The following WHRN variants were observed in gnomAD, a reference collection of about 807,000 sequenced individuals.
WHRN encodes the protein CASK-interacting protein CIP98.
Under a neutral mutation model 68.3 loss-of-function variants are expected in WHRN, and 41 were observed. That is an observed-to-expected ratio of 0.60 (90% CI 0.47 to 0.78). WHRN has a LOEUF of 0.78. Ranked by LOEUF, WHRN falls within the 30% of genes least tolerant of loss-of-function variation. The probability of loss-of-function intolerance (pLI) is 0.00; values close to 1 mark genes in which losing one functional copy is unlikely to be tolerated. For synonymous variants in WHRN, 560 were observed against 561.3 expected, an observed-to-expected ratio of 1.00 and a Z score of 0.03; for missense variants, 1,243 against 1,244.7, an observed-to-expected ratio of 1.00 and a Z score of 0.02.
At position 114,466,979 on chromosome 9, in the gene WHRN, T is replaced by G. The variant is rs76137566; in HGVS notation, c.838-587A>C. ...GTCTCCTGTCTCCCCAAGGGTCTCCTGCCTCCCCAGAGTTCTCCTGTCACC... is the reference window on the plus strand; with the variant it reads ...GTCTCCTGTCTCCCCAAGGGTCTCCGGCCTCCCCAGAGTTCTCCTGTCACC... On this transcript the variant is annotated intron_variant, in intron 2 of 11. Transcript: ENST00000362057. Among the ~76,000 whole-genome samples the G allele has an allele frequency of 1.9e-3, 281 of 150,922 alleles. 3 individuals are homozygous for G. In the East Asian group the frequency reaches 0.052, roughly 28 times the overall value.
At chr9:114,423,210 T>TA in intron 7 of WHRN, 104 bp downstream of exon 7, 1 of 1,193,856 alleles carries the variant, frequency 8.4e-7, no homozygotes, top group Non-Finnish European at 1.2e-6. Context: ...ACACAGCTGG[T>TA]AAGTGGTGGT....
At position 114,466,328 on chromosome 9, in the gene WHRN, C is replaced by T; in HGVS notation, c.902G>A (p.Gly301Asp). ...GLTIRGGAEYGLGIYITGVDP... is the reference protein window; with the variant it reads ...GLTIRGGAEYDLGIYITGVDP... ...CACGCCAGTGATGTAAATGCCAAGG[C>T]CGTACTCAGCTCCCCCACGGATCGT... The change falls in exon 3 of 12, where the codon GGC becomes GAC. Residue 301 changes from glycine to aspartate, a missense_variant. Coordinates refer to ENST00000362057, the MANE Select transcript of WHRN (RefSeq NM_015404.4). 6.2e-7 allele frequency: 1 copy of T among 1,614,132 alleles called. No homozygotes were observed. The highest frequency in any genetic ancestry group is 1.3e-5 in the African/African-American group (1 of 75,056).
chr9:114,503,167 G>C (rs1844080198), intron 1 of WHRN: 1 of 985,554 alleles, frequency 1.0e-6, no homozygotes, highest in East Asian at 1.1e-4. Flanking sequence ...TGCTGCCTAG[G>C]AGTTTCCCAG....
intron 3 of WHRN, among the ~76,000 whole-genome samples, chr9:114,427,846 C>T (rs918796206): frequency 6.6e-6 from 1 of 152,202 alleles, no homozygotes; most frequent in African/African-American, 2.4e-5. Flanking sequence ...TGCTGCATTT[C>T]AAGCATTCAC....
At chr9:114,414,120 C>T (rs1835648313) in intron 7 of WHRN, among the ~76,000 whole-genome samples, 1 of 152,182 alleles carries the variant, frequency 6.6e-6, no homozygotes, top group Non-Finnish European at 1.5e-5. Context: ...GCCACGTTTC[C>T]TTTCATTGCT....
rs973517989 is a variant in WHRN at position 114,493,946 on chromosome 9, C to A, written c.618+10238G>T. 3.9e-5 allele frequency among the ~76,000 whole-genome samples: 6 copies of A among 152,340 alleles called. No homozygotes were observed. The East Asian group carries it at 1.2e-3, about 29-fold the overall frequency. On this transcript the variant is annotated intron_variant, in intron 1 of 11. Transcript: ENST00000362057. The stretch of plus-strand genomic sequence containing the variant: ...CGCTGGGCTGTATGCCGTGCTTCTC[C>A]GTTAGCAGCCAGCCGAGAGCCCTGG...
chr9:114,440,223 T>A (rs982973926), intron 3 of WHRN, among the ~76,000 whole-genome samples: 2 of 152,026 alleles, frequency 1.3e-5, no homozygotes, highest in African/African-American at 4.8e-5. Context: ...ACAAATCTAT[T>A]ATTTTTAAAA....
At chr9:114,476,351 C>T (rs1387764967) in intron 2 of WHRN, among the ~76,000 whole-genome samples, 3 of 152,020 alleles carry the variant, frequency 2.0e-5, no homozygotes, top group Admixed American at 6.6e-5. Context: ...CTTGCAGACA[C>T]TGGCCTCAGT....
Position 114,504,784 on chromosome 9 carries a change from G to A in WHRN, c.18C>T (p.Asp6=). The part of the protein sequence containing the change: MNAPL[D]GLSVSSSSTG... The stretch of plus-strand genomic sequence containing the variant: ...TGGAGGACGAGCTCACCGACAGGCC[G>A]TCCAGCGGCGCGTTCATCTCCACGC... Residue 6 remains aspartate, a synonymous_variant, in exon 1 of 12, where the codon GAC becomes GAT. Transcript: ENST00000362057. The A allele has an allele frequency of 2.1e-6, 3 of 1,459,532 alleles. No individual in the cohort carries two copies. The highest frequency in any genetic ancestry group is 1.4e-5 in the South Asian group (1 of 71,976). The allele number at this position is 1,459,532 out of a possible 1,614,324, so 90.4% of individuals were successfully genotyped here. A position where few individuals can be genotyped will look rare whatever the true frequency, so the allele number is the denominator to read the frequency against.
At chr9:114,490,647 G>A (rs916449371) in intron 1 of WHRN, among the ~76,000 whole-genome samples, 11 of 152,268 alleles carry the variant, frequency 7.2e-5, no homozygotes, top group African/African-American at 2.4e-4. Flanking sequence ...TGCGAATGCC[G>A]GGATCTCAGA....
chr9:114,429,825 A>C (rs1472592444), intron 3 of WHRN, among the ~76,000 whole-genome samples: 2 of 152,026 alleles, frequency 1.3e-5, no homozygotes, highest in East Asian at 3.9e-4. Flanking sequence ...TCTCCCAGGT[A>C]CTCAGGCCTT....
chr9:114,427,479 C>A (rs148623749), intron 3 of WHRN, among the ~76,000 whole-genome samples: 1 of 152,200 alleles, frequency 6.6e-6, no homozygotes, highest in Non-Finnish European at 1.5e-5. Context: ...GCCACTGAGG[C>A]CTTGAAGGGC....
Position 114,406,337 on chromosome 9 carries a change from T to G in WHRN, c.2236+18A>C. The stretch of plus-strand genomic sequence containing the variant: ...AGGGACCCCCAAGGACCACAGAGCC[T>G]GGCCTTGCTGTACTCACTGCGCGTC... On this transcript the variant is annotated intron_variant, in intron 9 of 11. Coordinates refer to ENST00000362057, the MANE Select transcript of WHRN (RefSeq NM_015404.4). 1.2e-6 allele frequency: 2 copies of G among 1,613,828 alleles called. No homozygotes were observed.
At chr9:114,487,413 A>C (rs1425440548) in intron 1 of WHRN, among the ~76,000 whole-genome samples, 1 of 152,152 alleles carries the variant, frequency 6.6e-6, no homozygotes, top group Non-Finnish European at 1.5e-5. Context: ...TTTCTGCTCC[A>C]TCTTTTTTTC....
At chr9:114,440,539 C>T (rs10982220) in intron 3 of WHRN, among the ~76,000 whole-genome samples, 8,600 of 152,208 alleles carry the variant, frequency 0.057, 313 homozygotes, top group Non-Finnish European at 0.08. Flanking sequence ...TCCTGCCCGA[C>T]CTAAAAAATT....
At chr9:114,495,556 T>C (rs534609022) in intron 1 of WHRN, among the ~76,000 whole-genome samples, 8 of 152,154 alleles carry the variant, frequency 5.3e-5, no homozygotes, top group African/African-American at 9.6e-5. Flanking sequence ...AATTAAAAAA[T>C]AGATAAATAC....
chr9:114,457,105 A>G (rs1055441700), intron 3 of WHRN, among the ~76,000 whole-genome samples: 27 of 152,198 alleles, frequency 1.8e-4, no homozygotes, highest in East Asian at 1.5e-3. Context: ...GTCATTATAC[A>G]TATTTACTGT....
intron 7 of WHRN, among the ~76,000 whole-genome samples, chr9:114,408,451 A>G (rs1835194979): frequency 6.6e-6 from 1 of 152,180 alleles, no homozygotes; most frequent in South Asian, 2.1e-4. Context: ...TAAAATTCTA[A>G]TGGTTTTAAT....
In WHRN at chr9:114,466,111, TGA is replaced by T. The variant is rs1351515786; in HGVS notation, c.963+154_963+155del. ...GTAGGCGGCCACCCCGCTGCTGCTGTGAGCTGTGAATTTAGAGGTACAGCAGC... is the reference window on the plus strand; with the variant it reads ...GTAGGCGGCCACCCCGCTGCTGCTGTGCTGTGAATTTAGAGGTACAGCAGC... On this transcript the variant is annotated intron_variant, in intron 3 of 11. Transcript: ENST00000362057. Among the ~76,000 whole-genome samples the T allele has an allele frequency of 2.0e-5, 3 of 152,228 alleles. No homozygotes were observed. The East Asian group carries it at 5.8e-4, about 29-fold the overall frequency.
Sources: allele counts gnomAD v4.1 joint callset (sites outside exome capture counted in the v4.1 genomes callset), GRCh38; gene constraint gnomAD v4.1.1; transcripts MANE v1.5; gene names NCBI Gene and HGNC (gene_info 2026-07-23, HGNC 2026-07-21).